The following MAJIN variants were observed in gnomAD, a reference collection of about 807,000 sequenced individuals.
The protein encoded by MAJIN is membrane anchored junction protein, also known as membrane-anchored junction protein.
MAJIN carries 27 observed loss-of-function variants against 30.2 expected under a neutral mutation model. The ratio of observed to expected loss-of-function variants is 0.89; its 90% CI spans 0.66 to 1.23. The LOEUF is 1.23. MAJIN is among the 50% of genes most tolerant of loss of function. The pLI, the probability that MAJIN is intolerant of heterozygous loss-of-function variation, is 0.00. For synonymous variants in MAJIN, 78 were observed against 91.6 expected (o/e 0.85, Z 0.85); for missense variants, 253 against 260.3 (o/e 0.97, Z 0.19).
chr11:64,942,567 G>A (rs1945395463), intron 8 of MAJIN, among the ~76,000 whole-genome samples: 1 of 152,144 alleles, frequency 6.6e-6, no homozygotes, highest in African/African-American at 2.4e-5. Context: ...GGGAGGCAGA[G>A]GCATGGCAAG....
intron 9 of MAJIN, 132 bp downstream of exon 9, chr11:64,940,442 C>CCT: frequency 1.2e-6 from 1 of 844,416 alleles, no homozygotes; most frequent in African/African-American, 1.7e-5. Flanking sequence ...CTAACAAGCA[C>CCT]CTCCACGGGA....
In MAJIN at chr11:64,957,923, A is replaced by C. The variant is rs941766391; in HGVS notation, c.101+1382T>G. Among the ~76,000 whole-genome samples, 5 of 151,572 alleles carry C rather than the reference A, an allele frequency of 3.3e-5. No individual in the cohort carries two copies. The East Asian group carries it at 9.7e-4, about 29-fold the overall frequency. ...ATATATTATTCTTAAATTAATAAAC[A>C]CACTGCTTTAAATTTTTGCTGTGAT... On this transcript the variant is annotated intron_variant, in intron 3 of 10. Transcript: ENST00000301896.
Position 64,950,418 on chromosome 11 carries a change from C to T in MAJIN, c.160G>A (p.Val54Met), listed in dbSNP as rs376771758. Residue 54 changes from valine (V) to methionine (M), a missense_variant, in exon 5 of 11, where the codon GTG (valine) becomes ATG (methionine). Coordinates refer to ENST00000301896, the MANE Select transcript of MAJIN (RefSeq NM_001037225.3). ...ITQELEDSVR[V>M]VLGNLDNLQP... ...AGATTGTCCAAGTTTCCCAAGACCA[C>T]GCGGACAGAATCCTGAAAAACATAT... 1.7e-5 allele frequency: 28 copies of T among 1,613,066 alleles called. No homozygotes were observed. The highest frequency in any genetic ancestry group is 4.4e-5 in the South Asian group (4 of 91,044).
At chr11:64,968,628 A>T (rs1404113131) in intron 1 of MAJIN, among the ~76,000 whole-genome samples, 2 of 151,634 alleles carry the variant, frequency 1.3e-5, no homozygotes, top group Non-Finnish European at 2.9e-5. Flanking sequence ...AGGTCAGGAG[A>T]TCGAGACCAT....
At position 64,961,356 on chromosome 11, in the gene MAJIN, C is replaced by T. The variant is rs372309787; in HGVS notation, c.-64-1221G>A. Reference sequence around the variant, plus strand: ...CTAATTTTTGTATTTTTAGTGGAGACGGGCTTCACCATGTTGGCCAGACTG... The same window carrying T: ...CTAATTTTTGTATTTTTAGTGGAGATGGGCTTCACCATGTTGGCCAGACTG... On this transcript the variant is annotated intron_variant, in intron 1 of 10. Coordinates refer to ENST00000301896, the MANE Select transcript of MAJIN (RefSeq NM_001037225.3). 1.8e-3 allele frequency among the ~76,000 whole-genome samples: 271 copies of T among 151,122 alleles called. 1 individual carries two copies. The highest frequency in any genetic ancestry group is 6.3e-3 in the African/African-American group (261 of 41,200).
intron 1 of MAJIN, among the ~76,000 whole-genome samples, chr11:64,963,231 G>T (rs1945755434): frequency 6.6e-6 from 1 of 152,174 alleles, no homozygotes; most frequent in Admixed American, 6.6e-5. Context: ...TAATCCCAAT[G>T]CAAAATCTGA....
At chr11:64,965,728 G>A (rs894123437) in intron 1 of MAJIN, among the ~76,000 whole-genome samples, 3 of 151,858 alleles carry the variant, frequency 2.0e-5, no homozygotes, top group Non-Finnish European at 2.9e-5. Context: ...AGGCCGAGGC[G>A]GGCTGATCAC....
chr11:64,967,048 C>T (rs767450289), intron 1 of MAJIN, among the ~76,000 whole-genome samples: 1 of 149,562 alleles, frequency 6.7e-6, no homozygotes, highest in Non-Finnish European at 1.5e-5. Context: ...TGAGGCAGGA[C>T]TACTTGAGCC....
At chr11:64,954,911 A>G (rs1945608628) in intron 3 of MAJIN, 109 bp from the exon 4 acceptor site, 5 of 1,000,822 alleles carry the variant, frequency 5.0e-6, no homozygotes, top group Non-Finnish European at 7.3e-6. Context: ...GAAACATGAC[A>G]TAAGTAAAAC....
At chr11:64,950,329 C>A (rs78319235) in intron 5 of MAJIN, 26 bp downstream of exon 5, 985 of 1,218,684 alleles carry the variant, frequency 8.1e-4, no homozygotes, top group African/African-American at 5.0e-3. Context: ...GACTCCATCT[C>A]AAAAAAAAAA....
chr11:64,947,588 C>T, intron 7 of MAJIN, 123 bp from the exon 8 acceptor site: 2 of 1,083,708 alleles, frequency 1.8e-6, no homozygotes, highest in Middle Eastern at 4.1e-4. Flanking sequence ...ACCAGCTTTG[C>T]AAGTAAGAAT....
At chr11:64,970,403 G>T in intron 1 of MAJIN, among the ~76,000 whole-genome samples, 1 of 99,696 alleles carries the variant, frequency 1.0e-5, no homozygotes, top group Non-Finnish European at 1.9e-5. Context: ...GTCTTGTTCT[G>T]TTGCCCAGGC....
Position 64,947,441 on chromosome 11 carries a change from C to T in MAJIN, c.406G>A (p.Gly136Arg), listed in dbSNP as rs376267986. Residue 136 changes from glycine (G) to arginine (R), a missense_variant, in exon 8 of 11, where the codon GGA becomes AGA. Gly to Arg is a moderately radical substitution (Grantham distance 125). Coordinates refer to ENST00000301896, the MANE Select transcript of MAJIN (RefSeq NM_001037225.3). ...TGTTTTCGTTTCCTCATCACAGCTC[C>T]TACTGCTTTCTTCTCAACTGGGACC... is the stretch of plus-strand genomic sequence containing the variant. The part of the protein sequence containing the change: ...GLVPVEKKAV[G>R]AVMRKRKHMD... The T allele has an allele frequency of 1.2e-4, 193 of 1,613,864 alleles. No homozygotes were observed. The highest frequency in any genetic ancestry group is 1.5e-4 in the Non-Finnish European group (173 of 1,180,036).
chr11:64,941,912 G>A (rs937340826), intron 8 of MAJIN, among the ~76,000 whole-genome samples: 6 of 152,088 alleles, frequency 3.9e-5, no homozygotes, highest in African/African-American at 1.4e-4. Flanking sequence ...GAATAAATAG[G>A]ATCAGCATGG....
chr11:64,956,490 A>C (rs1466871003), intron 3 of MAJIN, among the ~76,000 whole-genome samples: 2 of 152,066 alleles, frequency 1.3e-5, no homozygotes, highest in African/African-American at 4.8e-5. Flanking sequence ...ACACGGTCTC[A>C]AAACAAAACA....
At chr11:64,971,602 G>A (rs1051844324) in intron 1 of MAJIN, among the ~76,000 whole-genome samples, 2 of 152,004 alleles carry the variant, frequency 1.3e-5, no homozygotes, top group African/African-American at 2.4e-5. Flanking sequence ...GGGGACAGAG[G>A]CCTGGAGCCC....
At chr11:64,957,335 C>T (rs1332187987) in intron 3 of MAJIN, among the ~76,000 whole-genome samples, 1 of 152,168 alleles carries the variant, frequency 6.6e-6, no homozygotes, top group Non-Finnish European at 1.5e-5. Context: ...CCACTTGAGC[C>T]TCCCAAAGTG....
chr11:64,966,076 T>G (rs1009132530), intron 1 of MAJIN, among the ~76,000 whole-genome samples: 9 of 151,244 alleles, frequency 6.0e-5, no homozygotes, highest in African/African-American at 2.2e-4. Flanking sequence ...GAAGGACATT[T>G]TATTTTTTTG....
At chr11:64,946,697 G>A (rs1945457415) in intron 8 of MAJIN, among the ~76,000 whole-genome samples, 1 of 152,028 alleles carries the variant, frequency 6.6e-6, no homozygotes, top group Non-Finnish European at 1.5e-5. Context: ...CTTGGGCTAG[G>A]GAACAAACCA....
Sources: allele counts gnomAD v4.1 joint callset (sites outside exome capture counted in the v4.1 genomes callset), GRCh38; gene constraint gnomAD v4.1.1; transcripts MANE v1.5; gene names NCBI Gene and HGNC (gene_info 2026-07-23, HGNC 2026-07-21).